Variants in SEC14L1 observed in about 807,000 individuals in gnomAD.
The protein encoded by SEC14L1 is SEC14 like lipid binding 1.
SEC14L1 carries 48 observed loss-of-function variants against 85.3 expected under a neutral mutation model. That is an observed-to-expected ratio of 0.56 (90% CI 0.45 to 0.72). SEC14L1 has a LOEUF of 0.72. SEC14L1 is among the 30% of genes least tolerant of loss of function. The pLI, the probability that SEC14L1 is intolerant of heterozygous loss-of-function variation, is 0.00. For synonymous variants in SEC14L1, 391 were observed against 355.5 expected (o/e 1.10, Z -1.12); for missense variants, 682 against 921.4 (o/e 0.74, Z 3.36).
Position 77,143,617 on chromosome 17 carries a change from C to T in SEC14L1, c.21C>T (p.Ser7=). The change falls in exon 3 of 17, where the codon TCC becomes TCT. Residue 7 remains serine, a synonymous_variant. Coordinates refer to ENST00000436233, the MANE Select transcript of SEC14L1 (RefSeq NM_001143998.2). ...CAATCATGGTGCAGAAATACCAGTC[C>T]CCAGTGAGGGTGTACAAATACCCCT... MVQKYQ[S]PVRVYKYPFE... is the part of the protein sequence containing the mutation. 6.2e-7 allele frequency: 1 copy of T among 1,613,234 alleles called. No individual in the cohort carries two copies. The highest frequency in any genetic ancestry group is 1.1e-5 in the South Asian group (1 of 90,914).
chr17:77,128,400 A>G (rs1245432648), intron 3 of SEC14L1, among the ~76,000 whole-genome samples: 3 of 8,148 alleles, frequency 3.7e-4, no homozygotes, highest in African/African-American at 6.5e-3. Context: ...ATTTTATTTT[A>G]TTTTATTTTA....
At chr17:77,103,172 G>A (rs941299223) in intron 3 of SEC14L1, among the ~76,000 whole-genome samples, 1 of 151,874 alleles carries the variant, frequency 6.6e-6, no homozygotes, top group Non-Finnish European at 1.5e-5. Flanking sequence ...GAGTGCAGTG[G>A]CACGATCTCA....
At position 77,206,172 on chromosome 17, in the gene SEC14L1, C is replaced by T. The variant is rs759249320; in HGVS notation, c.1170-57C>T. 13 of 1,542,976 alleles carry T rather than the reference C, an allele frequency of 8.4e-6. No homozygotes were observed. The highest frequency in any genetic ancestry group is 1.2e-5 in the Non-Finnish European group (13 of 1,130,126). ...ATGACCAAAAAGGAAGAAAATAAGACACAGTTTGCTAAGTGTGCTGTCTGT... is the reference window on the plus strand; with the variant it reads ...ATGACCAAAAAGGAAGAAAATAAGATACAGTTTGCTAAGTGTGCTGTCTGT... On this transcript the variant is annotated intron_variant, in intron 11 of 16. Transcript: ENST00000436233. The surrounding 1 kb of genome is among the most constrained non-coding windows in gnomAD (Gnocchi z 4.3).
rs577941050 is a variant in SEC14L1, at chr17:77,212,167, C to T, written c.1829C>T (p.Ser610Leu). 151 of 1,613,950 alleles carry T rather than the reference C, an allele frequency of 9.4e-5. No individual in the cohort carries two copies. The highest frequency in any genetic ancestry group is 1.8e-4 in the East Asian group (8 of 44,888). ...GGCCGCGACTACAGCATGGTGGAGT[C>T]GCCTCTGATCTGCAAAGAAGGAGAA... is the stretch of plus-strand genomic sequence containing the variant. Reference protein sequence around the residue: ...QLGRDYSMVESPLICKEGESV... With the variant: ...QLGRDYSMVELPLICKEGESV... The change falls in exon 15 of 17, where the codon TCG (serine) becomes TTG (leucine). Residue 610 changes from serine to leucine, a missense_variant. By Grantham distance (145) the Ser-to-Leu change is moderately radical. This residue lies in a region of SEC14L1 where 420 missense variants were observed against 619.5 expected (regional missense o/e 0.68). Transcript: ENST00000436233.
intron 3 of SEC14L1, among the ~76,000 whole-genome samples, chr17:77,133,982 C>T (rs762303059): frequency 6.6e-6 from 1 of 150,444 alleles, no homozygotes; most frequent in African/African-American, 2.4e-5. Context: ...GGCACAGTCA[C>T]GGTGTTTCAG....
chr17:77,194,586 C>T (rs1041017406), intron 6 of SEC14L1, 91 bp from the exon 7 acceptor site: 6 of 935,078 alleles, frequency 6.4e-6, no homozygotes, highest in Non-Finnish European at 4.9e-6. Flanking sequence ...TCACCATCTT[C>T]CGTTGGCTAG....
intron 3 of SEC14L1, among the ~76,000 whole-genome samples, chr17:77,153,843 A>G (rs567041386): frequency 2.6e-5 from 4 of 152,214 alleles, no homozygotes; most frequent in Non-Finnish European, 5.9e-5. Context: ...GGCAGATGTT[A>G]TAATTGATCC....
At chr17:77,126,997 T>A (rs1972468444) in intron 3 of SEC14L1, among the ~76,000 whole-genome samples, 1 of 151,964 alleles carries the variant, frequency 6.6e-6, no homozygotes, top group South Asian at 2.1e-4. Context: ...TTATTTATTT[T>A]TTTTCTTTTT....
intron 1 of SEC14L1, 91 bp from the exon 2 acceptor site, chr17:77,142,555 C>G (rs1409577775): frequency 4.1e-5 from 4 of 97,464 alleles, no homozygotes; most frequent in Admixed American, 3.7e-4. Flanking sequence ...GACACCCTGT[C>G]TCAAAAAAAA....
intron 3 of SEC14L1, among the ~76,000 whole-genome samples, chr17:77,145,561 T>C (rs16967342): frequency 0.052 from 7,889 of 152,332 alleles, 314 homozygotes; most frequent in Admixed American, 0.11. Flanking sequence ...CTAGGGCTGT[T>C]AACAGTATTT....
chr17:77,154,642 T>C (rs928593390), intron 3 of SEC14L1, among the ~76,000 whole-genome samples: 3 of 151,254 alleles, frequency 2.0e-5, no homozygotes, highest in African/African-American at 7.3e-5. Context: ...TTTTTGTTTT[T>C]TTTTGGTTTT....
chr17:77,128,755 C>T (rs758383817), intron 3 of SEC14L1, among the ~76,000 whole-genome samples: 1 of 152,014 alleles, frequency 6.6e-6, no homozygotes, highest in Non-Finnish European at 1.5e-5. Flanking sequence ...CGCCTGGCCA[C>T]GCTTGGGCAT....
chr17:77,199,049 A>C (rs1374758521), intron 8 of SEC14L1: 1 of 131,494 alleles, frequency 7.6e-6, no homozygotes, highest in Non-Finnish European at 1.6e-5. Context: ...CTTGTTGCCC[A>C]GGCTGAAGTG....
intron 7 of SEC14L1, among the ~76,000 whole-genome samples, chr17:77,195,837 C>CTT (rs558966326): frequency 1.3e-5 from 2 of 148,854 alleles, no homozygotes; most frequent in Non-Finnish European, 3.0e-5. Context: ...ATTTGCTTGG[C>CTT]TTTTTTTTTT....
chr17:77,160,130 C>G (rs2143626270), intron 3 of SEC14L1, among the ~76,000 whole-genome samples: 1 of 152,310 alleles, frequency 6.6e-6, no homozygotes, highest in South Asian at 2.1e-4. Flanking sequence ...TATTGGCAGC[C>G]TACTGACTCT....
rs566171766 is a variant in SEC14L1 at position 77,120,522 on chromosome 17, G to A, written c.-135-22124G>A. Among the ~76,000 whole-genome samples, 254 of 151,964 alleles carry A rather than the reference G, an allele frequency of 1.7e-3. 3 individuals are homozygous for A. The highest frequency in any genetic ancestry group is 5.5e-3 in the African/African-American group (227 of 41,408). ...AATGAAGTCTTGCTCTGTCGCCCAG[G>A]CTGGAGTGCGGTGGCACGATCTCGG... On this transcript the variant is annotated intron_variant, in intron 3 of 19. Coordinates refer to the SEC14L1 transcript ENST00000392476.
At chr17:77,201,922 C>T (rs982940407) in intron 9 of SEC14L1, among the ~76,000 whole-genome samples, 8 of 152,184 alleles carry the variant, frequency 5.3e-5, no homozygotes, top group Non-Finnish European at 1.0e-4. Flanking sequence ...TACCCTCTAA[C>T]CCTCTGCCCC....
At chr17:77,160,295 C>T (rs114100761) in intron 3 of SEC14L1, among the ~76,000 whole-genome samples, 40 of 152,364 alleles carry the variant, frequency 2.6e-4, no homozygotes, top group African/African-American at 9.6e-4. Flanking sequence ...TTCTCTTTTA[C>T]ACTCTGGAAA....
intron 3 of SEC14L1, among the ~76,000 whole-genome samples, chr17:77,113,905 A>G (rs1288883432): frequency 6.6e-6 from 1 of 152,202 alleles, no homozygotes; most frequent in Non-Finnish European, 1.5e-5. Flanking sequence ...TTCCCTCTGC[A>G]GTACAGCAAA....
Sources: allele counts gnomAD v4.1 joint callset (sites outside exome capture counted in the v4.1 genomes callset), GRCh38; gene constraint gnomAD v4.1.1; regional missense constraint gnomAD v4.1.1; non-coding constraint Gnocchi (gnomAD v3.1); transcripts MANE v1.5; gene names NCBI Gene and HGNC (gene_info 2026-07-23, HGNC 2026-07-21).